The following ZNF596 variants were observed in gnomAD, a reference collection of about 807,000 sequenced individuals.
ZNF596 encodes the protein zinc finger protein 596.
ZNF596 carries 45 observed loss-of-function variants against 48.3 expected under a neutral mutation model. That is an observed-to-expected ratio of 0.93 (90% CI 0.73 to 1.19). The LOEUF is 1.19. Ranked by LOEUF, ZNF596 falls within the 50% of genes most tolerant of loss-of-function variation. ZNF596 has a pLI of 0.00. For synonymous variants in ZNF596, 270 were observed against 202.0 expected, an observed-to-expected ratio of 1.34 and a Z score of -2.85; for missense variants, 848 against 599.7, an observed-to-expected ratio of 1.41 and a Z score of -4.32.
chr8:239,783 A>C (rs906067841), intron 1 of ZNF596, among the ~76,000 whole-genome samples: 1 of 152,118 alleles, frequency 6.6e-6, no homozygotes, highest in African/African-American at 2.4e-5. Context: ...TCAAGTAGGC[A>C]TAATTGTTAT....
intron 1 of ZNF596, chr8:240,488 G>A (rs900998903): frequency 1.6e-5 from 3 of 188,048 alleles, no homozygotes; most frequent in South Asian, 2.3e-4. Flanking sequence ...GAAATTCCAG[G>A]ATTTATCTGT....
chr8:245,318 C>A lies in ZNF596; in HGVS notation c.471C>A (p.His157Gln). The A allele has an allele frequency of 1.2e-6, 2 of 1,614,060 alleles. No homozygotes were observed. The highest frequency in any genetic ancestry group is 1.7e-6 in the Non-Finnish European group (2 of 1,179,990). Residue 157 changes from histidine to glutamine, a missense_variant, in exon 6 of 6, where the codon CAC becomes CAA. Coordinates refer to ENST00000398612, the MANE Select transcript of ZNF596 (RefSeq NM_001042416.3). ...IFSDWLSFNQHKEIHTKCKSY... is the reference protein window; with the variant it reads ...IFSDWLSFNQQKEIHTKCKSY... ...GTGACTGGTTATCCTTTAATCAACA[C>A]AAGGAAATTCACACCAAATGTAAAT...
intron 1 of ZNF596, among the ~76,000 whole-genome samples, chr8:238,675 C>T (rs183906668): frequency 8.1e-4 from 116 of 143,718 alleles, no homozygotes; most frequent in African/African-American, 2.8e-3. Context: ...GTCGTGGTGA[C>T]GGGCACCTAT....
At chr8:242,621 A>T (rs1430746882) in intron 2 of ZNF596, among the ~76,000 whole-genome samples, 1 of 152,204 alleles carries the variant, frequency 6.6e-6, no homozygotes, top group East Asian at 1.9e-4. Context: ...TCTGTAAGTT[A>T]TACTTTAGAA....
intron 1 of ZNF596, among the ~76,000 whole-genome samples, chr8:238,687 A>AT (rs965200150): frequency 2.1e-4 from 32 of 151,398 alleles, no homozygotes; most frequent in Admixed American, 1.8e-3. Context: ...GGCACCTATA[A>AT]TCCCAGCTAC....
rs1796944619 is a variant in ZNF596 at position 243,721 on chromosome 8, G to A, written c.140-1G>A. The A allele has an allele frequency of 6.2e-7, 1 of 1,613,192 alleles. No individual in the cohort carries two copies. The highest frequency in any genetic ancestry group is 8.5e-7 in the Non-Finnish European group (1 of 1,179,430). ...TCCATGTATCTTTTTCCCCAAAACAGGCAAACAGCTCTGCAAATCAGTTGT... is the reference window on the plus strand; with the variant it reads ...TCCATGTATCTTTTTCCCCAAAACAAGCAAACAGCTCTGCAAATCAGTTGT... On this transcript the variant is annotated splice_acceptor_variant, in intron 3 of 5. Coordinates refer to ENST00000398612, the MANE Select transcript of ZNF596 (RefSeq NM_001042416.3). LOFTEE classifies it high-confidence loss of function.
chr8:240,706 A>C (rs1584907674), intron 1 of ZNF596, 118 bp from the exon 2 acceptor site: 1 of 640,258 alleles, frequency 1.6e-6, no homozygotes, highest in Non-Finnish European at 2.8e-6. Context: ...AACCCAACCC[A>C]CCCCCTACCC....
rs1797018844 is a variant in ZNF596, at chr8:245,270, C to T, written c.423C>T (p.Ser141=). The T allele has an allele frequency of 6.2e-7, 1 of 1,613,870 alleles. No homozygotes were observed. Among genetic ancestry groups the T allele is most frequent in the Non-Finnish European group, 8.5e-7 (1 of 1,179,986 alleles). Residue 141 remains serine, a synonymous_variant, in exon 6 of 6, where the codon AGC becomes AGT. Transcript: ENST00000398612. ...ITYMRTKHFV[S]KKFGKIFSDW... is the part of the protein sequence containing the mutation. The stretch of plus-strand genomic sequence containing the variant: ...ACATGAGAACGAAACACTTTGTAAG[C>T]AAAAAGTTTGGGAAAATCTTCAGTG...
At chr8:237,579 A>AT (rs1287008518) in intron 1 of ZNF596, 1 of 152,198 alleles carries the variant, frequency 6.6e-6, no homozygotes, top group African/African-American at 2.4e-5. Context: ...CGGAAAAAAA[A>AT]GTCTTTAGAA....
chr8:234,425 T>G (rs947964185), intron 1 of ZNF596: 1 of 152,188 alleles, frequency 6.6e-6, no homozygotes, highest in African/African-American at 2.4e-5. Flanking sequence ...TTACACATGT[T>G]GAGTTATGCC....
rs1007766291 is a variant in ZNF596 at position 246,160 on chromosome 8, A to T, written c.1313A>T (p.Glu438Val). 10 of 1,614,040 alleles carry T rather than the reference A, an allele frequency of 6.2e-6. No homozygotes were observed. In the African/African-American group the frequency reaches 1.2e-4, roughly 19 times the overall value. The stretch of plus-strand genomic sequence containing the variant: ...CACTCTTCTGTCCTTAGACGACATG[A>T]GAGAACTCACACTGGAGAGAAACCA... ...FNHSSVLRRH[E>V]RTHTGEKPYE... The change falls in exon 6 of 6, where the codon GAG becomes GTG. Residue 438 changes from glutamate (E) to valine (V), a missense_variant. Physicochemically the swap from Glu to Val is moderately radical, Grantham distance 121. Coordinates refer to ENST00000398612, the MANE Select transcript of ZNF596 (RefSeq NM_001042416.3).
intron 5 of ZNF596, 139 bp downstream of exon 5, chr8:244,840 A>T: frequency 1.4e-6 from 1 of 732,708 alleles, no homozygotes; most frequent in Non-Finnish European, 2.2e-6. Flanking sequence ...TGAAGACGTT[A>T]ACTTCAAATC....
chr8:240,780 T>G, intron 1 of ZNF596, 44 bp from the exon 2 acceptor site: 7 of 1,313,908 alleles, frequency 5.3e-6, no homozygotes, highest in Non-Finnish European at 7.7e-6. Flanking sequence ...GAAGCAAAAC[T>G]GGAGTGTCAT....
In ZNF596 at chr8:246,783, T is replaced by C. The variant is rs1797107544; in HGVS notation, c.*421T>C. The C allele has an allele frequency of 6.2e-6, 1 of 160,376 alleles. No individual in the cohort carries two copies. The highest frequency in any genetic ancestry group is 2.4e-5 in the African/African-American group (1 of 41,638). 9.9% of individuals were successfully genotyped at this position (160,376 alleles called of 1,614,324 possible). A position where few individuals can be genotyped will look rare whatever the true frequency, so the allele number is the denominator to read the frequency against. ...CTCTCATTCAGCTAAGCACCAATTT[T>C]GGTGTGTGCAAGAAAATTCATTATA... On this transcript the variant is annotated 3_prime_UTR_variant, in exon 6 of 6. Coordinates refer to ENST00000398612, the MANE Select transcript of ZNF596 (RefSeq NM_001042416.3).
chr8:243,662 T>C, intron 3 of ZNF596, 60 bp from the exon 4 acceptor site: 2 of 1,562,550 alleles, frequency 1.3e-6, no homozygotes, highest in South Asian at 1.1e-5. Flanking sequence ...CTGTATCTGA[T>C]AACCTTGTAC....
intron 5 of ZNF596, among the ~76,000 whole-genome samples, chr8:244,928 G>T (rs1797002038): frequency 6.6e-6 from 1 of 152,196 alleles, no homozygotes; most frequent in African/African-American, 2.4e-5. Context: ...ACATGATAAA[G>T]TCTTAATAAC....
intron 1 of ZNF596, among the ~76,000 whole-genome samples, chr8:238,287 C>T (rs1262690627): frequency 6.6e-6 from 1 of 151,960 alleles, no homozygotes; most frequent in African/African-American, 2.4e-5. Context: ...TTAGACTTCT[C>T]CCCAAGGAGA....
rs1797028602 is a variant in ZNF596 at position 245,443 on chromosome 8, T to C, written c.596T>C (p.Val199Ala). 6.2e-7 allele frequency: 1 copy of C among 1,614,178 alleles called. No individual in the cohort carries two copies. Among genetic ancestry groups the C allele is most frequent in the Middle Eastern group, 1.6e-4 (1 of 6,062 alleles). Residue 199 changes from valine (V) to alanine (A), a missense_variant, in exon 6 of 6, where the codon GTG becomes GCG. Val to Ala is a moderately conservative substitution (Grantham distance 64, BLOSUM62 0). Coordinates refer to ENST00000398612, the MANE Select transcript of ZNF596 (RefSeq NM_001042416.3). ...AGAGAGATAACATTGGAATGTCGTG[T>C]GTGTGGGAAAACCTTTAGCAAAAAT... ...HTREITLECR[V>A]CGKTFSKNSN...
At chr8:241,743 T>G (rs1339517148) in intron 2 of ZNF596, among the ~76,000 whole-genome samples, 1 of 152,182 alleles carries the variant, frequency 6.6e-6, no homozygotes, top group Non-Finnish European at 1.5e-5. Context: ...TTAGTCCATT[T>G]TCACACCGCT....
Sources: gnomAD v4.1 joint callset for allele counts (sites outside exome capture counted in the v4.1 genomes callset) on GRCh38, gnomAD v4.1.1 for gene constraint, MANE v1.5 for transcripts, NCBI Gene and HGNC (gene_info 2026-07-23, HGNC 2026-07-21) for gene names.